CLSTN1: variants seen among roughly 807,000 people sequenced by gnomAD.
CLSTN1 encodes calsyntenin-1.
CLSTN1 carries 28 observed loss-of-function variants against 108.3 expected under a neutral mutation model. The ratio of observed to expected loss-of-function variants is 0.26; its 90% CI spans 0.19 to 0.35. The LOEUF (loss-of-function observed/expected upper bound fraction) is 0.35, where lower values mean the gene tolerates loss of function less well. Ranked by LOEUF, CLSTN1 falls within the 10% of genes least tolerant of loss-of-function variation. The pLI is 1.00. For synonymous variants in CLSTN1, 524 were observed against 534.9 expected (o/e 0.98, Z 0.28); for missense variants, 1,157 against 1,302.6 (o/e 0.89, Z 1.72).
At position 9,735,164 on chromosome 1, in the gene CLSTN1, C is replaced by T. The variant is rs1224013397; in HGVS notation, c.1894G>A (p.Glu632Lys). The T allele has an allele frequency of 1.2e-6, 2 of 1,614,112 alleles. No homozygotes were observed. Among genetic ancestry groups the T allele is most frequent in the Non-Finnish European group, 1.7e-6 (2 of 1,179,998 alleles). ...KITSTIKCFN[E>K]ATCISVPPVD... ...GGGGGGACCGAAATGCAGGTGGCCT[C>T]GTTAAAACACCTGCCAGCAAGAAAT... Residue 632 changes from glutamate to lysine, a missense_variant, in exon 14 of 19, where the codon GAG becomes AAG. Physicochemically the swap from Glu to Lys is moderately conservative, Grantham distance 56. Coordinates refer to ENST00000377298, the MANE Select transcript of CLSTN1 (RefSeq NM_001009566.3).
At position 9,735,180 on chromosome 1, in the gene CLSTN1, A is replaced by G. The variant is rs778032431; in HGVS notation, c.1884-6T>C. 2.5e-6 allele frequency: 4 copies of G among 1,613,658 alleles called. No homozygotes were observed. Among genetic ancestry groups the G allele is most frequent in the Non-Finnish European group, 2.5e-6 (3 of 1,179,670 alleles). On this transcript the variant is annotated splice_region_variant and splice_polypyrimidine_tract_variant and intron_variant, in intron 13 of 18. Coordinates refer to ENST00000377298, the MANE Select transcript of CLSTN1 (RefSeq NM_001009566.3). ...AGGTGGCCTCGTTAAAACACCTGCC[A>G]GCAAGAAATGGGGAAGGGTCAGGGC... is the stretch of plus-strand genomic sequence containing the variant.
At chr1:9,731,539 C>A in intron 17 of CLSTN1, 149 bp from the exon 18 acceptor site, 9 of 997,296 alleles carry the variant, frequency 9.0e-6, no homozygotes, top group Non-Finnish European at 1.3e-5. Context: ...AGGAAAAGCT[C>A]GCCATGGGCC....
In CLSTN1 at chr1:9,730,272, CG is replaced by C; in HGVS notation, c.*235del. The C allele has an allele frequency of 3.5e-6, 2 of 577,374 alleles. No homozygotes were observed. Among genetic ancestry groups the C allele is most frequent in the South Asian group, 2.0e-5 (1 of 49,600 alleles). 35.8% of individuals were successfully genotyped at this position (577,374 alleles called of 1,614,324 possible). ...GGCGCTGGGAGGCCCCTGTGCGAGC[CG>C]GATGGCGGCCAGAGAGGACGTGTCA... On this transcript the variant is annotated 3_prime_UTR_variant, in exon 19 of 19. Transcript: ENST00000377298. This position sits in a 1 kb window ranked among gnomAD's most constrained non-coding sequence, Gnocchi z 5.6.
chr1:9,817,920 G>C lies in CLSTN1; in HGVS notation c.91+5723C>G, dbSNP rs368487626. On this transcript the variant is annotated intron_variant, in intron 1 of 18. Coordinates refer to ENST00000377298, the MANE Select transcript of CLSTN1 (RefSeq NM_001009566.3). The stretch of plus-strand genomic sequence containing the variant: ...TATTGTATGTCAGGCTGACACAGTG[G>C]GGAGGCTGTCGCCATTTAAGGGTTC... Among the ~76,000 whole-genome samples the C allele has an allele frequency of 5.3e-4, 80 of 152,176 alleles. 2 individuals are homozygous for C. In the South Asian group the frequency reaches 0.012, roughly 23 times the overall value.
At chr1:9,756,945 A>C (rs1651844343) in intron 2 of CLSTN1, among the ~76,000 whole-genome samples, 1 of 151,462 alleles carries the variant, frequency 6.6e-6, no homozygotes, top group South Asian at 2.1e-4. Context: ...CGCCCGGATA[A>C]TTTTTTGTAT....
chr1:9,774,056 AT>A (rs1028158066), intron 1 of CLSTN1, among the ~76,000 whole-genome samples: 5 of 151,444 alleles, frequency 3.3e-5, no homozygotes, highest in Admixed American at 6.6e-5. Flanking sequence ...TATTATTATT[AT>A]TTTTTCTTTT....
intron 10 of CLSTN1, among the ~76,000 whole-genome samples, chr1:9,737,829 T>C (rs1210334400): frequency 6.6e-6 from 1 of 152,124 alleles, no homozygotes; most frequent in Non-Finnish European, 1.5e-5. Flanking sequence ...ATAAGATGAA[T>C]GAAAGCACAC....
intron 1 of CLSTN1, among the ~76,000 whole-genome samples, chr1:9,821,165 C>T (rs1338232038): frequency 6.6e-6 from 1 of 152,198 alleles, no homozygotes; most frequent in Admixed American, 6.5e-5. Flanking sequence ...TGGAGTCTTG[C>T]TTTGTCACCC....
intron 2 of CLSTN1, among the ~76,000 whole-genome samples, chr1:9,760,004 T>C (rs1183918588): frequency 1.3e-5 from 2 of 152,220 alleles, no homozygotes; most frequent in Non-Finnish European, 2.9e-5. Flanking sequence ...CTGACATTAA[T>C]GACAGTGACT....
chr1:9,742,467 T>C (rs1651033117), intron 9 of CLSTN1, among the ~76,000 whole-genome samples: 1 of 152,204 alleles, frequency 6.6e-6, no homozygotes, highest in South Asian at 2.1e-4. Context: ...TCTGCTTTTA[T>C]ATAAATCTGA....
In CLSTN1 at chr1:9,823,773, C is replaced by A; in HGVS notation, c.-40G>T. On this transcript the variant is annotated 5_prime_UTR_variant, in exon 1 of 19. Transcript: ENST00000377298. The surrounding 1 kb of genome is among the most constrained non-coding windows in gnomAD (Gnocchi z 6.3). ...GGGAGCGGCAGGGAGGCGCGCGGGA[C>A]GCCGAGCGGAGCTCTCGGAGCTCTC... 1 of 976,600 alleles carries A rather than the reference C, an allele frequency of 1.0e-6. No individual in the cohort carries two copies. The highest frequency in any genetic ancestry group is 1.2e-6 in the Non-Finnish European group (1 of 813,882). 60.5% of individuals were successfully genotyped at this position (976,600 alleles called of 1,614,324 possible).
At chr1:9,773,499 T>C in intron 1 of CLSTN1, 105 bp from the exon 2 acceptor site, 1 of 1,264,900 alleles carries the variant, frequency 7.9e-7, no homozygotes, top group Non-Finnish European at 1.1e-6. Flanking sequence ...AAAACTCTCA[T>C]TAGGCTTGAA....
In CLSTN1 at chr1:9,735,948, A is replaced by G; in HGVS notation, c.1671T>C (p.Cys557=). Residue 557 remains cysteine (C), a synonymous_variant, in exon 12 of 19, where the codon TGT becomes TGC. Transcript: ENST00000377298. ...CCAGCCCCTCCTTGCAGGTATACAGACAGTCGATCACCTTCTTATCCGCGA... is the reference window on the plus strand; with the variant it reads ...CCAGCCCCTCCTTGCAGGTATACAGGCAGTCGATCACCTTCTTATCCGCGA... The part of the protein sequence containing the change: ...GKLADKKVID[C]LYTCKEGLDL... 1 of 1,614,176 alleles carries G rather than the reference A, an allele frequency of 6.2e-7. No homozygotes were observed. The highest frequency in any genetic ancestry group is 8.5e-7 in the Non-Finnish European group (1 of 1,180,038).
At chr1:9,784,077 C>T (rs1653369338) in intron 1 of CLSTN1, among the ~76,000 whole-genome samples, 1 of 149,946 alleles carries the variant, frequency 6.7e-6, no homozygotes, top group African/African-American at 2.5e-5. Context: ...GAGGCTGGGG[C>T]AGGAGAATTG....
rs1266998113 is a variant in CLSTN1, at chr1:9,812,848, C to CAAA, written c.91+10792_91+10794dup. Among the ~76,000 whole-genome samples the CAAA allele has an allele frequency of 9.3e-5, 8 of 86,206 alleles. 1 individual carries two copies. In the East Asian group the frequency reaches 1.1e-3, roughly 12 times the overall value. 56.6% of individuals were successfully genotyped at this position (86,206 alleles called of 152,430 possible). A position where few individuals can be genotyped will look rare whatever the true frequency, so the allele number is the denominator to read the frequency against. On this transcript the variant is annotated intron_variant, in intron 1 of 18. Transcript: ENST00000377298. ...GGGCAACAAGACTGAAACTCTATCTCAAAAAAAAAAAAAAAAACAAACAAA... is the reference window on the plus strand; with the variant it reads ...GGGCAACAAGACTGAAACTCTATCTCAAAAAAAAAAAAAAAAAAAACAAACAAA...
At chr1:9,764,903 A>G (rs1414646740) in intron 2 of CLSTN1, among the ~76,000 whole-genome samples, 2 of 152,112 alleles carry the variant, frequency 1.3e-5, no homozygotes, top group Non-Finnish European at 2.9e-5. Flanking sequence ...TTTAATCATT[A>G]CTGATCCCAA....
intron 1 of CLSTN1, among the ~76,000 whole-genome samples, chr1:9,811,026 A>G (rs1481909959): frequency 6.6e-6 from 1 of 152,230 alleles, no homozygotes; most frequent in Non-Finnish European, 1.5e-5. Flanking sequence ...TAGCAGTTAA[A>G]AAGCCCAAAC....
chr1:9,815,686 G>A (rs535213663), intron 1 of CLSTN1, among the ~76,000 whole-genome samples: 1 of 152,112 alleles, frequency 6.6e-6, no homozygotes. Flanking sequence ...CTGTAATCCC[G>A]GCACTTTGGA....
chr1:9,809,758 G>A (rs1012123525), intron 1 of CLSTN1, among the ~76,000 whole-genome samples: 100 of 151,592 alleles, frequency 6.6e-4, no homozygotes, highest in African/African-American at 2.3e-3. Context: ...AAAATCAGCC[G>A]GGCGCGGTGG....
Sources: gnomAD v4.1 joint callset for allele counts (sites outside exome capture counted in the v4.1 genomes callset) on GRCh38, gnomAD v4.1.1 for gene constraint, Gnocchi (gnomAD v3.1) non-coding constraint, MANE v1.5 for transcripts, NCBI Gene and HGNC (gene_info 2026-07-23, HGNC 2026-07-21) for gene names.